The following TUBGCP6 variants were observed in gnomAD, a reference collection of about 807,000 sequenced individuals.
TUBGCP6 encodes tubulin gamma complex component 6.
In TUBGCP6, 161 loss-of-function variants were observed where a neutral mutation model predicts 175.8. The ratio of observed to expected loss-of-function variants is 0.92; its 90% CI spans 0.81 to 1.04. The LOEUF (loss-of-function observed/expected upper bound fraction) is 1.04. Ranked by LOEUF, TUBGCP6 falls within the 50% of genes least tolerant of loss-of-function variation. TUBGCP6 has a pLI of 0.00. For missense variants in TUBGCP6, 2,572 were observed against 2,433.0 expected (o/e 1.06, Z -1.20); for synonymous variants, 1,173 against 1,030.5 (o/e 1.14, Z -2.65).
intron 5 of TUBGCP6, 109 bp from the exon 6 acceptor site, chr22:50,227,186 AC>A: frequency 9.9e-7 from 1 of 1,009,350 alleles, no homozygotes; most frequent in Non-Finnish European, 1.4e-6. Flanking sequence ...GGGGCAACTA[AC>A]TTTAGATGCA....
chr22:50,239,010 T>G (rs2064809405), intron 2 of TUBGCP6, among the ~76,000 whole-genome samples: 1 of 152,106 alleles, frequency 6.6e-6, no homozygotes, highest in Non-Finnish European at 1.5e-5. Context: ...CATGCTCCTG[T>G]CCAGGCTGCC....
intron 4 of TUBGCP6, 38 bp downstream of exon 4, chr22:50,229,366 C>A: frequency 6.2e-7 from 1 of 1,604,134 alleles, no homozygotes; most frequent in South Asian, 1.1e-5. Context: ...GCACCGTTCT[C>A]ACAAAGGTGT....
At chr22:50,238,137 AAGAGAGAG>A (rs146778199) in intron 2 of TUBGCP6, among the ~76,000 whole-genome samples, 3 of 149,594 alleles carry the variant, frequency 2.0e-5, no homozygotes, top group Admixed American at 6.7e-5. Context: ...AGAAAAAGAA[AAGAGAGAG>A]AGAGAGAGAG....
intron 14 of TUBGCP6, 32 bp downstream of exon 14, chr22:50,222,422 G>T (rs770848954): frequency 2.5e-6 from 4 of 1,611,572 alleles, no homozygotes; most frequent in Non-Finnish European, 3.4e-6. Context: ...AAAGCCCAGG[G>T]GAAGAGCTGC....
intron 3 of TUBGCP6, among the ~76,000 whole-genome samples, chr22:50,231,865 A>AC (rs890070566): frequency 1.3e-5 from 2 of 151,336 alleles, no homozygotes; most frequent in South Asian, 4.2e-4. Context: ...GTCTCAAAAA[A>AC]AAAAAAAAAG....
chr22:50,222,160 C>G, intron 14 of TUBGCP6, 58 bp from the exon 15 acceptor site: 1 of 1,536,972 alleles, frequency 6.5e-7, no homozygotes, highest in South Asian at 1.1e-5. Flanking sequence ...AGCCCTACCC[C>G]ACACAAAGCC....
At chr22:50,219,478 CG>C in intron 18 of TUBGCP6, 22 bp from the exon 19 acceptor site, 1 of 1,592,618 alleles carries the variant, frequency 6.3e-7, no homozygotes, top group Admixed American at 1.8e-5. Flanking sequence ...GGAGCACGCA[CG>C]TGCTGGGAAC....
chr22:50,239,464 A>AC (rs2064814298), intron 2 of TUBGCP6, among the ~76,000 whole-genome samples: 1 of 152,242 alleles, frequency 6.6e-6, no homozygotes, highest in Non-Finnish European at 1.5e-5. Flanking sequence ...GATGTGAGCC[A>AC]CCGCGCCCAG....
At chr22:50,227,177 G>A in intron 5 of TUBGCP6, 100 bp from the exon 6 acceptor site, 1 of 1,109,430 alleles carries the variant, frequency 9.0e-7, no homozygotes, top group Non-Finnish European at 1.3e-6. Flanking sequence ...ATGCTCCCTG[G>A]GGCAACTAAC....
rs140208626 is a variant in TUBGCP6, at chr22:50,218,383, G to C, written c.4974C>G (p.Ala1658=). The C allele has an allele frequency of 2.5e-6, 4 of 1,612,942 alleles. No homozygotes were observed. In the African/African-American group the frequency reaches 5.3e-5, roughly 22 times the overall value. The part of the protein sequence containing the change: ...LKRTALLSHM[A]GSVQFRQLQL... ...GCAGCTGACGGAACTGCACAGAGCC[G>C]GCCATGTGGCTCAGCAGGGCTGGCG... The change falls in exon 23 of 25, where the codon GCC becomes GCG. Residue 1658 remains alanine (A), a synonymous_variant. Transcript: ENST00000248846.
Position 50,226,194 on chromosome 22 carries a change from G to T in TUBGCP6, c.1694-5C>A. On this transcript the variant is annotated splice_region_variant and splice_polypyrimidine_tract_variant and intron_variant, in intron 8 of 24. Transcript: ENST00000248846. ...CATGTGTCCAGTACAACTTATCTAAGGTAGGGTGAACACCACGGTGGCCGG... is the reference window on the plus strand; with the variant it reads ...CATGTGTCCAGTACAACTTATCTAATGTAGGGTGAACACCACGGTGGCCGG... 1 of 1,614,108 alleles carries T rather than the reference G, an allele frequency of 6.2e-7. No homozygotes were observed. Among genetic ancestry groups the T allele is most frequent in the Non-Finnish European group, 8.5e-7 (1 of 1,179,986 alleles).
chr22:50,219,461 G>A lies in TUBGCP6; in HGVS notation c.4316-5C>T, dbSNP rs543188207. ...GATGAGCAATGGGCGGCTCGGCTGC[G>A]GGAGATGGAGCACGCACGTGCTGGG... On this transcript the variant is annotated splice_polypyrimidine_tract_variant and splice_region_variant and intron_variant, in intron 18 of 24. Coordinates refer to ENST00000248846, the MANE Select transcript of TUBGCP6 (RefSeq NM_020461.4). The A allele has an allele frequency of 3.0e-5, 47 of 1,584,556 alleles. 1 individual carries two copies. In the South Asian group the frequency reaches 3.1e-4, roughly 10 times the overall value.
In TUBGCP6 at chr22:50,244,034, G is replaced by A. The variant is rs368854350; in HGVS notation, c.426C>T (p.Asn142=). Residue 142 remains asparagine (N), a synonymous_variant, in exon 1 of 25, where the codon AAC becomes AAT. Coordinates refer to ENST00000248846, the MANE Select transcript of TUBGCP6 (RefSeq NM_020461.4). The part of the protein sequence containing the change: ...YFLNNKHVGR[N]VPYSGYDCDD... ...CGCAATCATAGCCGCTGTACGGAAC[G>A]TTTCTCCCCACATGCTTGTTGTTAA... The A allele has an allele frequency of 3.7e-6, 6 of 1,613,994 alleles. No homozygotes were observed. The highest frequency in any genetic ancestry group is 2.2e-5 in the East Asian group (1 of 44,892).
intron 1 of TUBGCP6, among the ~76,000 whole-genome samples, chr22:50,241,154 A>G (rs1036495668): frequency 6.6e-6 from 1 of 152,248 alleles, no homozygotes; most frequent in Non-Finnish European, 1.5e-5. Context: ...AGATTATAAT[A>G]ATCTTCGCTC....
In TUBGCP6 at chr22:50,218,842, A is replaced by C; in HGVS notation, c.4682T>G (p.Val1561Gly). 1 of 1,614,040 alleles carries C rather than the reference A, an allele frequency of 6.2e-7. No individual in the cohort carries two copies. The highest frequency in any genetic ancestry group is 8.5e-7 in the Non-Finnish European group (1 of 1,180,006). Reference protein sequence around the residue: ...ELLNPLVLNSVLSKALQCSLH... With the variant: ...ELLNPLVLNSGLSKALQCSLH... Reference sequence around the variant, plus strand: ...GCTGCACTGCAGGGCCTTGCTCAGCACAGAGTTCAGCACCAGCGGGTTGAG... The same window carrying C: ...GCTGCACTGCAGGGCCTTGCTCAGCCCAGAGTTCAGCACCAGCGGGTTGAG... Residue 1561 changes from valine to glycine, a missense_variant, in exon 21 of 25, where the codon GTG becomes GGG. Transcript: ENST00000248846.
intron 14 of TUBGCP6, 87 bp downstream of exon 14, chr22:50,222,367 G>T: frequency 6.4e-7 from 1 of 1,565,280 alleles, no homozygotes. Flanking sequence ...TCTCCTAGAA[G>T]AGCATGTAGG....
At position 50,226,052 on chromosome 22, in the gene TUBGCP6, G is replaced by C. The variant is rs760971600; in HGVS notation, c.1831C>G (p.Arg611Gly). Residue 611 changes from arginine to glycine, a missense_variant and splice_region_variant, in exon 9 of 25, where the codon CGG (arginine) becomes GGG (glycine). Transcript: ENST00000248846. ...CCCACACATGAGCCCCTCCTCACCC[G>C]GGGGCAGCAGAGCTTCAGCAGGTTA... ...TINLLKLCCP[R>G]HYLCWSDVPV... The C allele has an allele frequency of 6.2e-7, 1 of 1,613,916 alleles. No homozygotes were observed. Among genetic ancestry groups the C allele is most frequent in the East Asian group, 2.2e-5 (1 of 44,894 alleles).
chr22:50,219,353 C>T lies in TUBGCP6; in HGVS notation c.4419G>A (p.Gln1473=), dbSNP rs1180604977. The change falls in exon 19 of 25, where the codon CAG becomes CAA. Residue 1473 remains glutamine (Q), a synonymous_variant. Transcript: ENST00000248846. The part of the protein sequence containing the change: ...VQSAADETAV[Q]LSELLTLPVL... The stretch of plus-strand genomic sequence containing the variant: ...CGGGCAGCGTCAGCAACTCGCTCAG[C>T]TGCACAGCAGTCTCATCAGCGGCAG... 3 of 1,592,222 alleles carry T rather than the reference C, an allele frequency of 1.9e-6. No individual in the cohort carries two copies. The highest frequency in any genetic ancestry group is 2.6e-6 in the Non-Finnish European group (3 of 1,170,816).
Position 50,219,700 on chromosome 22 carries a change from G to A in TUBGCP6, c.4259C>T (p.Ala1420Val). Residue 1420 changes from alanine (A) to valine (V), a missense_variant, in exon 18 of 25, where the codon GCA becomes GTA. Physicochemically the swap from Ala to Val is moderately conservative, Grantham distance 64 (BLOSUM62 0). Coordinates refer to ENST00000248846, the MANE Select transcript of TUBGCP6 (RefSeq NM_020461.4). ...EAQGGEQAYL[A>V]GLAGQYHLER... ...CAAGTGGTACTGCCCTGCCAGGCCT[G>A]CCAGGTAGGCCTGCTCCCCACCCTG... 1.2e-6 allele frequency: 2 copies of A among 1,613,720 alleles called. No individual in the cohort carries two copies. Among genetic ancestry groups the A allele is most frequent in the Non-Finnish European group, 1.7e-6 (2 of 1,179,976 alleles).
Sources: allele counts gnomAD v4.1 joint callset (sites outside exome capture counted in the v4.1 genomes callset), GRCh38; gene constraint gnomAD v4.1.1; transcripts MANE v1.5; gene names NCBI Gene and HGNC (gene_info 2026-07-23, HGNC 2026-07-21).